MTF1: variants seen among roughly 807,000 people sequenced by gnomAD.
MTF1 encodes the protein metal regulatory transcription factor 1.
MTF1 carries 22 observed loss-of-function variants against 70.4 expected under a neutral mutation model. The ratio of observed to expected loss-of-function variants is 0.31; its 90% CI spans 0.22 to 0.45. The LOEUF is 0.45. Among genes scored for constraint, MTF1 ranks in the 20% least tolerant of loss-of-function variants. MTF1 has a pLI of 1.00. For synonymous variants in MTF1, 333 were observed against 352.8 expected (o/e 0.94, Z 0.63); for missense variants, 649 against 922.0 (o/e 0.70, Z 3.83).
chr1:37,817,862 G>A (rs1466768811), intron 9 of MTF1, among the ~76,000 whole-genome samples: 1 of 152,180 alleles, frequency 6.6e-6, no homozygotes, highest in African/African-American at 2.4e-5. Context: ...GTACTTCTAA[G>A]AAAGCTGGAA....
Position 37,838,767 on chromosome 1 carries a change from T to G in MTF1, c.648-11A>C. The G allele has an allele frequency of 6.9e-7, 1 of 1,443,056 alleles. No individual in the cohort carries two copies. Among genetic ancestry groups the G allele is most frequent in the Non-Finnish European group, 9.3e-7 (1 of 1,069,642 alleles). 89.4% of individuals were successfully genotyped at this position (1,443,056 alleles called of 1,614,324 possible). ...TGATGTGCTTTCAGCCTGCAAAATA[T>G]TCCAGAAAAATTCCCTTTGTCATAA... On this transcript the variant is annotated splice_polypyrimidine_tract_variant and intron_variant, in intron 3 of 10. Transcript: ENST00000373036.
At chr1:37,836,124 C>T (rs1292960260) in intron 4 of MTF1, among the ~76,000 whole-genome samples, 2 of 151,998 alleles carry the variant, frequency 1.3e-5, no homozygotes, top group East Asian at 3.9e-4. Flanking sequence ...TAAATAGAAA[C>T]TAAAACAAAT....
chr1:37,859,210 C>G (rs1169232443), intron 1 of MTF1, among the ~76,000 whole-genome samples: 1 of 152,204 alleles, frequency 6.6e-6, no homozygotes, highest in Non-Finnish European at 1.5e-5. Flanking sequence ...TGAGGGTAGC[C>G]AACGAGGAGT....
chr1:37,845,173 G>A lies in MTF1; in HGVS notation c.409-5015C>T, dbSNP rs539967458. On this transcript the variant is annotated intron_variant, in intron 2 of 10. Coordinates refer to ENST00000373036, the MANE Select transcript of MTF1 (RefSeq NM_005955.3). ...ATATTTTTTGAATGAATGAACAAATGAACAAAACCAGTGGGACTGAAAAGG... is the reference window on the plus strand; with the variant it reads ...ATATTTTTTGAATGAATGAACAAATAAACAAAACCAGTGGGACTGAAAAGG... 6.6e-5 allele frequency among the ~76,000 whole-genome samples: 10 copies of A among 152,300 alleles called. No homozygotes were observed. In the South Asian group the frequency reaches 2.1e-3, roughly 32 times the overall value.
chr1:37,850,097 G>A (rs1242198774), intron 2 of MTF1, among the ~76,000 whole-genome samples: 1 of 151,932 alleles, frequency 6.6e-6, no homozygotes, highest in Non-Finnish European at 1.5e-5. Flanking sequence ...AAAGTAGCCG[G>A]CACAGTAGCA....
At chr1:37,847,192 C>T (rs1184327230) in intron 2 of MTF1, among the ~76,000 whole-genome samples, 2 of 152,170 alleles carry the variant, frequency 1.3e-5, no homozygotes, top group Admixed American at 1.3e-4. Context: ...ACTGCTGTCC[C>T]TTCATTTCTT....
intron 2 of MTF1, among the ~76,000 whole-genome samples, chr1:37,847,448 G>A (rs1641350083): frequency 6.6e-6 from 1 of 152,182 alleles, no homozygotes; most frequent in Non-Finnish European, 1.5e-5. Context: ...CCATAACATA[G>A]TGATCGGTAC....
chr1:37,835,429 T>C (rs748313626), intron 5 of MTF1, among the ~76,000 whole-genome samples: 4 of 152,034 alleles, frequency 2.6e-5, no homozygotes, highest in Non-Finnish European at 5.9e-5. Context: ...GTTTAAAGAG[T>C]AGATTTGTTT....
chr1:37,830,375 C>T (rs569537649), intron 7 of MTF1, among the ~76,000 whole-genome samples: 8 of 152,222 alleles, frequency 5.3e-5, no homozygotes, highest in South Asian at 4.1e-4. Flanking sequence ...TATATTTTTC[C>T]GTTTTAGATT....
At chr1:37,829,561 T>C (rs1395091049) in intron 7 of MTF1, among the ~76,000 whole-genome samples, 1 of 151,780 alleles carries the variant, frequency 6.6e-6, no homozygotes, top group Admixed American at 6.6e-5. Flanking sequence ...GACGGGCGGA[T>C]CACGAGGTCA....
chr1:37,819,674 G>C (rs1194410157), intron 9 of MTF1, among the ~76,000 whole-genome samples: 1 of 151,892 alleles, frequency 6.6e-6, no homozygotes, highest in African/African-American at 2.4e-5. Context: ...AATGGAGGCT[G>C]GGCGTGGTGG....
At chr1:37,818,539 C>T (rs1640857121) in intron 9 of MTF1, among the ~76,000 whole-genome samples, 1 of 150,954 alleles carries the variant, frequency 6.6e-6, no homozygotes, top group Non-Finnish European at 1.5e-5. Context: ...TCCATCTCTA[C>T]TAAAAATACA....
At position 37,822,308 on chromosome 1, in the gene MTF1, T is replaced by C; in HGVS notation, c.1580A>G (p.Glu527Gly). The C allele has an allele frequency of 6.2e-7, 1 of 1,613,862 alleles. No homozygotes were observed. Among genetic ancestry groups the C allele is most frequent in the Non-Finnish European group, 8.5e-7 (1 of 1,179,866 alleles). Reference sequence around the variant, plus strand: ...AGTCTGGACCATGGCTGGCAGGGGCTCAGTAGTACTTTGTGGTGGGGCTGG... The same window carrying C: ...AGTCTGGACCATGGCTGGCAGGGGCCCAGTAGTACTTTGTGGTGGGGCTGG... The part of the protein sequence containing the change: ...AAPAPPQSTT[E>G]PLPAMVQTLP... The change falls in exon 9 of 11, where the codon GAG becomes GGG. Residue 527 changes from glutamate (E) to glycine (G), a missense_variant. Around this residue, in one of 7 missense-constraint regions of MTF1, gnomAD observed 267 missense variants for 292.1 expected, o/e 0.91. Transcript: ENST00000373036.
At chr1:37,823,642 C>A (rs959973218) in intron 8 of MTF1, 68 bp downstream of exon 8, 71 of 1,187,874 alleles carry the variant, frequency 6.0e-5, no homozygotes, top group Non-Finnish European at 8.2e-5. Flanking sequence ...TAGAATGATT[C>A]ATTGTGCCTG....
rs371702560 is a variant in MTF1 at position 37,822,195 on chromosome 1, G to T, written c.1693C>A (p.Leu565Ile). 3.1e-6 allele frequency: 5 copies of T among 1,614,006 alleles called. No individual in the cohort carries two copies. In the African/African-American group the frequency reaches 6.7e-5, roughly 22 times the overall value. ...TGTAAGTTCTGTTCTCCCATGACTA[G>T]GCTGGACTGCAGGATAGCTGTGTTG... Reference protein sequence around the residue: ...TPNTAILQSSLVMGEQNLQWI... With the variant: ...TPNTAILQSSIVMGEQNLQWI... Residue 565 changes from leucine to isoleucine, a missense_variant, in exon 9 of 11, where the codon CTA becomes ATA. Leu to Ile is a conservative substitution (Grantham distance 5). This residue lies in a region of MTF1 where 39 missense variants were observed against 97.8 expected (regional missense o/e 0.40). Coordinates refer to ENST00000373036, the MANE Select transcript of MTF1 (RefSeq NM_005955.3).
rs1201255177 is a variant in MTF1, at chr1:37,822,336, C to T, written c.1552G>A (p.Ala518Thr). ...GTAGTACTTTGTGGTGGGGCTGGTGCTGCCACAGCTGATGCCACTGCCGCT... is the reference window on the plus strand; with the variant it reads ...GTAGTACTTTGTGGTGGGGCTGGTGTTGCCACAGCTGATGCCACTGCCGCT... ...SAAAVASAVA[A>T]PAPPQSTTEP... The change falls in exon 9 of 11, where the codon GCA (alanine) becomes ACA (threonine). Residue 518 changes from alanine (A) to threonine (T), a missense_variant. Transcript: ENST00000373036. The T allele has an allele frequency of 6.2e-7, 1 of 1,612,474 alleles. No individual in the cohort carries two copies. Among genetic ancestry groups the T allele is most frequent in the Non-Finnish European group, 8.5e-7 (1 of 1,179,142 alleles).
intron 6 of MTF1, among the ~76,000 whole-genome samples, chr1:37,833,106 C>T (rs1025060747): frequency 6.6e-6 from 1 of 152,102 alleles, no homozygotes; most frequent in African/African-American, 2.4e-5. Context: ...TTAATACTAT[C>T]TGTATACCTG....
At chr1:37,855,417 T>C (rs1414196076) in intron 2 of MTF1, among the ~76,000 whole-genome samples, 2 of 152,076 alleles carry the variant, frequency 1.3e-5, no homozygotes, top group East Asian at 3.9e-4. Context: ...AGAAACAAGA[T>C]TAACTGATGT....
intron 4 of MTF1, 83 bp from the exon 5 acceptor site, chr1:37,835,827 G>C: frequency 2.6e-6 from 3 of 1,150,626 alleles, no homozygotes; most frequent in East Asian, 4.9e-5. Flanking sequence ...TTGAGATCGA[G>C]TCTCGCTCTG....
Sources: gnomAD v4.1 joint callset for allele counts (sites outside exome capture counted in the v4.1 genomes callset) on GRCh38, gnomAD v4.1.1 for gene constraint, gnomAD v4.1.1 regional missense constraint, MANE v1.5 for transcripts, NCBI Gene and HGNC (gene_info 2026-07-23, HGNC 2026-07-21) for gene names.